TTC6: variants seen among roughly 807,000 people sequenced by gnomAD.
TTC6 encodes tetratricopeptide repeat protein 6.
A neutral mutation model predicts 210.4 loss-of-function variants in TTC6; 172 were observed. The observed-to-expected ratio is 0.82, with a 90% CI of 0.72 to 0.93. The LOEUF is 0.93. Ranked by LOEUF, TTC6 falls within the 40% of genes least tolerant of loss-of-function variation. The pLI, the probability that TTC6 is intolerant of heterozygous loss-of-function variation, is 0.00. For missense variants in TTC6, 2,414 were observed against 2,318.1 expected (o/e 1.04, Z -0.85); for synonymous variants, 804 against 819.6 (o/e 0.98, Z 0.32).
At chr14:37,639,517 A>T (rs1338758723) in intron 1 of TTC6, among the ~76,000 whole-genome samples, 1 of 152,060 alleles carries the variant, frequency 6.6e-6, no homozygotes, top group Non-Finnish European at 1.5e-5. Flanking sequence ...GTTCTCACAT[A>T]ACATTTGGAT....
chr14:37,726,780 TA>T (rs528950155), intron 7 of TTC6, among the ~76,000 whole-genome samples: 15 of 152,134 alleles, frequency 9.9e-5, no homozygotes, highest in Non-Finnish European at 2.1e-4. Context: ...AGCTTATTCA[TA>T]TTTACTATTT....
intron 29 of TTC6, among the ~76,000 whole-genome samples, chr14:37,839,571 C>T (rs552360327): frequency 6.6e-6 from 1 of 152,178 alleles, no homozygotes; most frequent in East Asian, 1.9e-4. Flanking sequence ...GGATAGATTG[C>T]AAAAATTTTC....
intron 1 of TTC6, among the ~76,000 whole-genome samples, chr14:37,664,758 A>G (rs2095744433): frequency 6.6e-6 from 1 of 150,696 alleles, no homozygotes; most frequent in Non-Finnish European, 1.5e-5. Context: ...TCCATCTGAC[A>G]AAAGTCCAAT....
At chr14:37,768,012 T>C (rs1405618043) in intron 14 of TTC6, among the ~76,000 whole-genome samples, 1 of 150,308 alleles carries the variant, frequency 6.7e-6, no homozygotes, top group Non-Finnish European at 1.5e-5. Context: ...TTCAGCTTTC[T>C]ACATATGGCC....
At position 37,790,297 on chromosome 14, in the gene TTC6, G is replaced by A. The variant is rs530802322; in HGVS notation, c.3437-420G>A. 2.5e-4 allele frequency among the ~76,000 whole-genome samples: 38 copies of A among 152,168 alleles called. 2 individuals are homozygous for A. In the South Asian group the frequency reaches 7.5e-3, roughly 30 times the overall value. ...TCAAGCCTGTTCCTTGGCCAGTAAC[G>A]ATGGCTTCCTGATAAAATCAGGCCA... On this transcript the variant is annotated intron_variant, in intron 15 of 30. Transcript: ENST00000553443.
intron 1 of TTC6, among the ~76,000 whole-genome samples, chr14:37,657,349 TAA>T (rs34169689): frequency 0.24 from 33,261 of 139,264 alleles, 3,821 homozygotes; most frequent in South Asian, 0.29. Flanking sequence ...GCTTTCTATT[TAA>T]AAAAAAAAAA....
chr14:37,752,924 G>GA (rs1566931694), intron 13 of TTC6, among the ~76,000 whole-genome samples, 175 bp from the exon 16 acceptor site: 1 of 151,840 alleles, frequency 6.6e-6, no homozygotes, highest in Non-Finnish European at 1.5e-5. Flanking sequence ...TTTGATGATG[G>GA]AAAAAATCTC....
intron 10 of TTC6, among the ~76,000 whole-genome samples, chr14:37,742,996 C>T (rs553923367): frequency 3.9e-5 from 6 of 152,252 alleles, no homozygotes; most frequent in East Asian, 1.9e-4. Context: ...TTTATATCAA[C>T]GATATATTGA....
chr14:37,692,298 A>G (rs1290196618), intron 3 of TTC6, among the ~76,000 whole-genome samples: 5 of 151,672 alleles, frequency 3.3e-5, no homozygotes, highest in African/African-American at 9.7e-5. Flanking sequence ...AATTCTCAAC[A>G]AAGTATTAGC....
intron 5 of TTC6, among the ~76,000 whole-genome samples, chr14:37,712,674 GA>G (rs1430992355): frequency 6.6e-6 from 1 of 152,034 alleles, no homozygotes; most frequent in Non-Finnish European, 1.5e-5. Flanking sequence ...ACAAAAGGGG[GA>G]AAAGCCCCTT....
chr14:37,708,042 C>T (rs1376670935), intron 5 of TTC6, among the ~76,000 whole-genome samples: 2 of 151,888 alleles, frequency 1.3e-5, no homozygotes, highest in South Asian at 2.1e-4. Flanking sequence ...CTTTTCCTAT[C>T]GGGTTTTCTA....
intron 26 of TTC6, among the ~76,000 whole-genome samples, chr14:37,822,068 C>T (rs542424555): frequency 1.3e-5 from 2 of 151,954 alleles, no homozygotes; most frequent in South Asian, 2.1e-4. Flanking sequence ...CGTGAGCCAC[C>T]GTGCCCGGCC....
At chr14:37,608,560 G>A (rs2095629191) in intron 2 of TTC6, among the ~76,000 whole-genome samples, 1 of 152,108 alleles carries the variant, frequency 6.6e-6, no homozygotes, top group Admixed American at 6.6e-5. Flanking sequence ...TATTGCCTTG[G>A]CCTTCCAAAG....
At chr14:37,597,005 ATTTT>A (rs34214926) in intron 1 of TTC6, among the ~76,000 whole-genome samples, 13 of 138,490 alleles carry the variant, frequency 9.4e-5, no homozygotes, top group African/African-American at 2.6e-4. Context: ...ATTGGATTAC[ATTTT>A]TTTTTTTTTT....
Position 37,711,324 on chromosome 14 carries a change from TA to T in TTC6, c.1572-3330del, listed in dbSNP as rs567761354. 3.0e-3 allele frequency among the ~76,000 whole-genome samples: 454 copies of T among 152,262 alleles called. 1 individual carries two copies. The highest frequency in any genetic ancestry group is 0.011 in the African/African-American group (440 of 41,542). ...CCTATGCTCTACTGTGAAAAAGGCA[TA>T]CGGAATAGAATGCAGTATATTGTGT... is the stretch of plus-strand genomic sequence containing the variant. On this transcript the variant is annotated intron_variant, in intron 5 of 30. Coordinates refer to ENST00000553443, the Ensembl canonical transcript of TTC6.
At chr14:37,648,438 T>C (rs1397867239) in intron 1 of TTC6, among the ~76,000 whole-genome samples, 1 of 152,206 alleles carries the variant, frequency 6.6e-6, no homozygotes, top group African/African-American at 2.4e-5. Flanking sequence ...TAGGTTACAG[T>C]ATGTTTCTAT....
chr14:37,754,573 C>T (rs1214643507), intron 14 of TTC6, among the ~76,000 whole-genome samples: 1 of 152,074 alleles, frequency 6.6e-6, no homozygotes, highest in South Asian at 2.1e-4. Flanking sequence ...GTTGGGATTA[C>T]AGGCATCTGC....
At chr14:37,752,513 T>C (rs1408767176) in intron 13 of TTC6, among the ~76,000 whole-genome samples, 3 of 53,950 alleles carry the variant, frequency 5.6e-5, no homozygotes, top group South Asian at 1.3e-3. Flanking sequence ...TTGAAATCTT[T>C]AGGATTTTTT....
chr14:37,676,562 T>C (rs1411644276), intron 1 of TTC6, among the ~76,000 whole-genome samples: 1 of 152,110 alleles, frequency 6.6e-6, no homozygotes, highest in East Asian at 1.9e-4. Context: ...AAATTTTAAA[T>C]TTGGTAAAAT....
Sources: gnomAD v4.1 joint callset for allele counts (sites outside exome capture counted in the v4.1 genomes callset) on GRCh38, gnomAD v4.1.1 for gene constraint, MANE v1.5 for transcripts, NCBI Gene and HGNC (gene_info 2026-07-23, HGNC 2026-07-21) for gene names.